TTC28: variants seen among roughly 807,000 people sequenced by gnomAD.
TTC28 encodes the protein tetratricopeptide repeat protein 28.
In TTC28, 61 loss-of-function variants were observed where a neutral mutation model predicts 198.0. That is an observed-to-expected ratio of 0.31 (90% CI 0.25 to 0.38). The LOEUF (loss-of-function observed/expected upper bound fraction) is 0.38. Ranked by LOEUF, TTC28 falls within the 10% of genes least tolerant of loss-of-function variation. The pLI is 1.00. For missense variants in TTC28, 2,678 were observed against 3,164.0 expected (o/e 0.85, Z 3.69); for synonymous variants, 1,171 against 1,297.8 (o/e 0.90, Z 2.10).
intron 12 of TTC28, among the ~76,000 whole-genome samples, chr22:28,046,642 C>T (rs1939873001): frequency 6.6e-6 from 1 of 152,196 alleles, no homozygotes; most frequent in Non-Finnish European, 1.5e-5. Context: ...CAACTGTGTA[C>T]ATAGGCTGCC....
chr22:28,197,277 G>A (rs898448183), intron 5 of TTC28, among the ~76,000 whole-genome samples: 1 of 121,472 alleles, frequency 8.2e-6, no homozygotes, highest in African/African-American at 3.1e-5. Flanking sequence ...GTTGTGGGGT[G>A]GGGGGAGGGG....
At chr22:28,560,268 C>T (rs553818325) in intron 2 of TTC28, among the ~76,000 whole-genome samples, 228 of 152,330 alleles carry the variant, frequency 1.5e-3, no homozygotes, top group Non-Finnish European at 2.4e-3. Context: ...GTTATCATTT[C>T]TTTCCTGGAT....
In TTC28 at chr22:27,980,127, A is replaced by G. The variant is rs367653830; in HGVS notation, c.*2094T>C. On this transcript the variant is annotated 3_prime_UTR_variant, in exon 23 of 23. Coordinates refer to ENST00000397906, the MANE Select transcript of TTC28 (RefSeq NM_001145418.2). ...TCCAGGGATCCTTGGCACTTGGGAA[A>G]GAAGGAGGCTGAGAGATTTGCTAAG... 7.9e-5 allele frequency: 12 copies of G among 152,336 alleles called. No individual in the cohort carries two copies. The East Asian group carries it at 1.7e-3, about 22-fold the overall frequency. The allele number at this position is 152,336 out of a possible 1,614,324, so 9.4% of individuals were successfully genotyped here. A position where few individuals can be genotyped will look rare whatever the true frequency, so the allele number is the denominator to read the frequency against.
intron 5 of TTC28, among the ~76,000 whole-genome samples, chr22:28,216,317 T>C (rs190676779): frequency 6.6e-6 from 1 of 152,320 alleles, no homozygotes; most frequent in East Asian, 1.9e-4. Context: ...CAACTTGGAC[T>C]ATGTTCAATG....
intron 12 of TTC28, among the ~76,000 whole-genome samples, chr22:28,032,179 T>C (rs1029236104): frequency 1.3e-5 from 1 of 76,392 alleles, no homozygotes; most frequent in Non-Finnish European, 2.3e-5. Context: ...TATATATATA[T>C]ATATATATAA....
chr22:28,272,849 G>A (rs1228623038), intron 5 of TTC28, among the ~76,000 whole-genome samples: 3 of 152,102 alleles, frequency 2.0e-5, no homozygotes, highest in African/African-American at 4.8e-5. Flanking sequence ...AAAGAAACGT[G>A]AACCCAAGTG....
chr22:28,419,943 G>A (rs899288256), intron 2 of TTC28, among the ~76,000 whole-genome samples: 3 of 152,170 alleles, frequency 2.0e-5, no homozygotes, highest in Non-Finnish European at 4.4e-5. Flanking sequence ...CCATATTACA[G>A]GGTATTAATT....
chr22:28,165,337 G>T (rs979985056), intron 5 of TTC28, among the ~76,000 whole-genome samples: 10 of 152,224 alleles, frequency 6.6e-5, no homozygotes, highest in South Asian at 2.1e-4. Context: ...ACACCACAAA[G>T]ATACTCCTCG....
chr22:28,518,194 T>C (rs2048830052), intron 2 of TTC28, among the ~76,000 whole-genome samples: 1 of 152,154 alleles, frequency 6.6e-6, no homozygotes, highest in Non-Finnish European at 1.5e-5. Context: ...CACAAAAACT[T>C]CAGATTCATG....
intron 6 of TTC28, among the ~76,000 whole-genome samples, chr22:28,127,751 T>G (rs1236139962): frequency 6.6e-6 from 1 of 152,140 alleles, no homozygotes; most frequent in African/African-American, 2.4e-5. Flanking sequence ...ACATTTTCTT[T>G]CCATAGGCTG....
At chr22:28,367,105 A>C (rs2046260183) in intron 2 of TTC28, among the ~76,000 whole-genome samples, 1 of 152,108 alleles carries the variant, frequency 6.6e-6, no homozygotes, top group African/African-American at 2.4e-5. Flanking sequence ...AGATATTTAC[A>C]TAGCATTTCA....
At chr22:28,466,212 A>G (rs1955189460) in intron 2 of TTC28, among the ~76,000 whole-genome samples, 1 of 152,226 alleles carries the variant, frequency 6.6e-6, no homozygotes, top group South Asian at 2.1e-4. Flanking sequence ...AAGTCAATTT[A>G]CATTTTTCTC....
intron 2 of TTC28, among the ~76,000 whole-genome samples, chr22:28,536,797 T>C (rs2049290226): frequency 6.6e-6 from 1 of 152,108 alleles, no homozygotes; most frequent in African/African-American, 2.4e-5. Flanking sequence ...ATTTTTTAAT[T>C]AGGCAATTGG....
chr22:28,280,758 T>C (rs1213270291), intron 5 of TTC28, among the ~76,000 whole-genome samples: 4 of 152,230 alleles, frequency 2.6e-5, no homozygotes, highest in Non-Finnish European at 5.9e-5. Flanking sequence ...AATCTTCCTT[T>C]AGCATTTCTT....
At chr22:28,176,008 C>T (rs985214804) in intron 5 of TTC28, among the ~76,000 whole-genome samples, 2 of 152,074 alleles carry the variant, frequency 1.3e-5, no homozygotes, top group Admixed American at 6.5e-5. Context: ...GTGGAAGTTC[C>T]TCAAGAAACG....
At chr22:28,393,556 T>C (rs1025423108) in intron 2 of TTC28, among the ~76,000 whole-genome samples, 2 of 151,980 alleles carry the variant, frequency 1.3e-5, no homozygotes, top group Non-Finnish European at 2.9e-5. Flanking sequence ...TAGCCAAGTA[T>C]AGTGGTGCAT....
chr22:28,624,104 T>A (rs931046527), intron 2 of TTC28, among the ~76,000 whole-genome samples: 1 of 152,150 alleles, frequency 6.6e-6, no homozygotes, highest in South Asian at 2.1e-4. Flanking sequence ...TAACTCATTG[T>A]CTAGAAAGAT....
Position 28,089,408 on chromosome 22 carries a change from G to A in TTC28, c.3932+4672C>T, listed in dbSNP as rs888544465. On this transcript the variant is annotated intron_variant, in intron 12 of 22. Coordinates refer to ENST00000397906, the MANE Select transcript of TTC28 (RefSeq NM_001145418.2). Reference sequence around the variant, plus strand: ...AAATCATCATTCTCAGTAAACTATCGCAAGAACAAGAAAGCAAACACCGCA... The same window carrying A: ...AAATCATCATTCTCAGTAAACTATCACAAGAACAAGAAAGCAAACACCGCA... 1.5e-3 allele frequency among the ~76,000 whole-genome samples: 231 copies of A among 151,246 alleles called. 4 individuals are homozygous for A. Among genetic ancestry groups the A allele is most frequent in the Non-Finnish European group, 5.9e-4 (40 of 67,912 alleles).
chr22:28,388,624 A>G (rs1367177216), intron 2 of TTC28, among the ~76,000 whole-genome samples: 1 of 152,150 alleles, frequency 6.6e-6, no homozygotes, highest in Non-Finnish European at 1.5e-5. Flanking sequence ...ATGGGAGTTC[A>G]CTCATGATTT....
Sources: gnomAD v4.1 joint callset for allele counts (sites outside exome capture counted in the v4.1 genomes callset) on GRCh38, gnomAD v4.1.1 for gene constraint, MANE v1.5 for transcripts, NCBI Gene and HGNC (gene_info 2026-07-23, HGNC 2026-07-21) for gene names.